Variants in CLCN4 observed in about 807,000 individuals in gnomAD.
The protein encoded by CLCN4 is H(+)/Cl(-) exchange transporter 4.
CLCN4 carries 1 observed loss-of-function variant against 41.7 expected under a neutral mutation model. That is an observed-to-expected ratio of 0.02 (90% CI 0.01 to 0.11). The LOEUF is 0.11. Among genes scored for constraint, CLCN4 ranks in the 10% least tolerant of loss-of-function variants. CLCN4 has a pLI of 1.00. For missense variants in CLCN4, 287 were observed against 661.0 expected (o/e 0.43, Z 6.20); for synonymous variants, 277 against 285.8 (o/e 0.97, Z 0.31).
intron 12 of CLCN4, among the ~76,000 whole-genome samples, chrX:10,229,851 A>G (rs1452080588): frequency 8.9e-6 from 1 of 111,950 alleles, no homozygotes; most frequent in Non-Finnish European, 1.9e-5. Flanking sequence ...GCTGCAATAA[A>G]CATACATGTG....
intron 12 of CLCN4, among the ~76,000 whole-genome samples, chrX:10,232,359 CTTAA>C (rs759425632): frequency 1.8e-5 from 2 of 112,147 alleles, no homozygotes; most frequent in African/African-American, 6.5e-5. Context: ...CTAATTTTGC[CTTAA>C]TTAAATAAAT....
At chrX:10,232,901 T>A (rs1925160292) in intron 12 of CLCN4, among the ~76,000 whole-genome samples, 1 of 111,774 alleles carries the variant, frequency 8.9e-6, no homozygotes, top group South Asian at 3.8e-4. Flanking sequence ...ATGTCAACTT[T>A]ATCCTCCCAG....
rs953773970 is a variant in CLCN4, at chrX:10,220,685, G to A, written c.2000G>A (p.Gly667Asp). The A allele has an allele frequency of 2.5e-6, 3 of 1,209,042 alleles. No individual in the cohort carries two copies. Among genetic ancestry groups the A allele is most frequent in the Non-Finnish European group, 3.4e-6 (3 of 894,576 alleles). Residue 667 changes from glycine to aspartate, a missense_variant, in exon 12 of 13, where the codon GGC (glycine) becomes GAC (aspartate). Physicochemically the swap from Gly to Asp is moderately conservative, Grantham distance 94. Coordinates refer to ENST00000380833, the MANE Select transcript of CLCN4 (RefSeq NM_001830.4). The part of the protein sequence containing the change: ...AIKNARQRQE[G>D]IVSNSIMYFT... ...GAGAACGCCAGACAGAGGCAGGAGG[G>A]CATTGTGAGCAATTCCATCATGTAC...
chrX:10,184,976 A>G (rs1923772942), intron 2 of CLCN4, 46 bp from the exon 3 acceptor site: 12 of 1,092,448 alleles, frequency 1.1e-5, no homozygotes, highest in Non-Finnish European at 1.5e-5. Context: ...TTGCATGGCC[A>G]TGGCATGTCC....
chrX:10,158,309 C>T lies in CLCN4; in HGVS notation c.-254C>T. The T allele has an allele frequency of 3.4e-6, 1 of 291,362 alleles. No homozygotes were observed. The highest frequency in any genetic ancestry group is 6.0e-6 in the Non-Finnish European group (1 of 166,276). The allele number at this position is 291,362 out of a possible 1,213,427, so 24.0% of individuals were successfully genotyped here. A position where few individuals can be genotyped will look rare whatever the true frequency, so the allele number is the denominator to read the frequency against. On this transcript the variant is annotated 5_prime_UTR_variant, in exon 2 of 13. Coordinates refer to ENST00000380833, the MANE Select transcript of CLCN4 (RefSeq NM_001830.4). Reference sequence around the variant, plus strand: ...GAAAGGCCAGGCAAGCTGCACACATCAAGCGAAACGCCTGAGGGGCGGCCA... The same window carrying T: ...GAAAGGCCAGGCAAGCTGCACACATTAAGCGAAACGCCTGAGGGGCGGCCA...
chrX:10,214,362 G>C lies in CLCN4; in HGVS notation c.1975+283G>C, dbSNP rs150589861. Among the ~76,000 whole-genome samples the C allele has an allele frequency of 2.3e-3, 262 of 113,020 alleles. 2 individuals are homozygous for C. The highest frequency in any genetic ancestry group is 8.2e-3 in the African/African-American group (255 of 31,135). On this transcript the variant is annotated intron_variant, in intron 11 of 12. Transcript: ENST00000380833. ...AAAAGGCTTTAAACCCAAGTCTTGG[G>C]TAGACATTCTTGGTTGCAAAGTGAC...
At chrX:10,227,205 C>T (rs1230100035) in intron 12 of CLCN4, among the ~76,000 whole-genome samples, 2 of 111,287 alleles carry the variant, frequency 1.8e-5, no homozygotes, top group African/African-American at 3.3e-5. Flanking sequence ...TTATTCACCA[C>T]GATCAAGTCA....
In CLCN4 at chrX:10,208,564, G is replaced by A. The variant is rs369733340; in HGVS notation, c.1363G>A (p.Val455Ile). 8.2e-5 allele frequency: 99 copies of A among 1,206,344 alleles called. 1 individual carries two copies. The East Asian group carries it at 1.6e-3, about 19-fold the overall frequency. Residue 455 changes from valine (V) to isoleucine (I), a missense_variant, in exon 9 of 13, where the codon GTT (valine) becomes ATT (isoleucine). Transcript: ENST00000380833. ...LALALIFKIV[V>I]TIFTFGMKIP... ...CCTGGCACTGATCTTCAAAATCGTC[G>A]TTACCATATTTACCTTTGGCATGAA...
At chrX:10,180,315 T>G (rs1923641786) in intron 2 of CLCN4, among the ~76,000 whole-genome samples, 1 of 111,686 alleles carries the variant, frequency 9.0e-6, no homozygotes, top group South Asian at 3.8e-4. Flanking sequence ...TCTCTCTCCT[T>G]GAACCTGGGT....
At chrX:10,191,260 G>A (rs1923953116) in intron 4 of CLCN4, among the ~76,000 whole-genome samples, 1 of 112,088 alleles carries the variant, frequency 8.9e-6, no homozygotes, top group Non-Finnish European at 1.9e-5. Context: ...GCCTATTCTG[G>A]GCATTTCATA....
At chrX:10,233,185 G>T (rs1164882197) in intron 12 of CLCN4, among the ~76,000 whole-genome samples, 1 of 112,268 alleles carries the variant, frequency 8.9e-6, no homozygotes, top group Non-Finnish European at 1.9e-5. Context: ...GGTGGGCTCT[G>T]GACCTAGGTG....
At chrX:10,224,108 G>A (rs1360769185) in intron 12 of CLCN4, among the ~76,000 whole-genome samples, 1 of 111,178 alleles carries the variant, frequency 9.0e-6, no homozygotes, top group Non-Finnish European at 1.9e-5. Context: ...ATTTATGCAC[G>A]AACCCAAGGC....
intron 2 of CLCN4, among the ~76,000 whole-genome samples, chrX:10,170,954 C>T (rs969641706): frequency 1.4e-4 from 16 of 112,353 alleles, no homozygotes; most frequent in African/African-American, 4.5e-4. Flanking sequence ...GCGCGATCTC[C>T]GCTCACTGCA....
chrX:10,219,411 C>T lies in CLCN4; in HGVS notation c.1976-1250C>T, dbSNP rs765071112. 2.7e-5 allele frequency among the ~76,000 whole-genome samples: 3 copies of T among 112,263 alleles called. No individual in the cohort carries two copies. In the South Asian group the frequency reaches 1.1e-3, roughly 42 times the overall value. ...ATCATCTTGGTTTAGGAGAGAAGTA[C>T]GTAGTATATATCGAACAGTCTACAT... On this transcript the variant is annotated intron_variant, in intron 11 of 12. Coordinates refer to ENST00000380833, the MANE Select transcript of CLCN4 (RefSeq NM_001830.4).
chrX:10,237,540 A>C lies in CLCN4; in HGVS notation c.*3956A>C, dbSNP rs1336064599. On this transcript the variant is annotated 3_prime_UTR_variant, in exon 13 of 13. Transcript: ENST00000380833. ...TTGGTGTTGGAACGACCACATAGCAACGTGTTGGTTTTTTTTTATTGTAAC... is the reference window on the plus strand; with the variant it reads ...TTGGTGTTGGAACGACCACATAGCACCGTGTTGGTTTTTTTTTATTGTAAC... 1.0e-5 allele frequency: 1 copy of C among 96,351 alleles called. No homozygotes were observed. The highest frequency in any genetic ancestry group is 3.4e-5 in the African/African-American group (1 of 29,179). 7.9% of individuals were successfully genotyped at this position (96,351 alleles called of 1,213,427 possible).
intron 12 of CLCN4, among the ~76,000 whole-genome samples, chrX:10,221,418 T>C (rs1010396052): frequency 9.0e-6 from 1 of 111,429 alleles, no homozygotes; most frequent in African/African-American, 3.3e-5. Flanking sequence ...TCTCAGCACT[T>C]CGGGAGGCTG....
intron 6 of CLCN4, among the ~76,000 whole-genome samples, chrX:10,201,467 C>T (rs1162581440): frequency 9.0e-6 from 1 of 111,463 alleles, no homozygotes; most frequent in Admixed American, 9.5e-5. Context: ...TTTCCCAGTT[C>T]TTGGAGGAGA....
chrX:10,213,214 G>A (rs1924613487), intron 10 of CLCN4, among the ~76,000 whole-genome samples: 1 of 111,933 alleles, frequency 8.9e-6, no homozygotes, highest in Non-Finnish European at 1.9e-5. Flanking sequence ...CGTAAGTCAG[G>A]GACTGTCTGT....
chrX:10,182,903 A>G (rs1295844196), intron 2 of CLCN4, among the ~76,000 whole-genome samples: 1 of 112,332 alleles, frequency 8.9e-6, no homozygotes, highest in Non-Finnish European at 1.9e-5. Context: ...TGTTTCAAGC[A>G]TTATTGCCTG....
Sources: gnomAD v4.1 joint callset for allele counts (sites outside exome capture counted in the v4.1 genomes callset) on GRCh38, gnomAD v4.1.1 for gene constraint, MANE v1.5 for transcripts, NCBI Gene and HGNC (gene_info 2026-07-23, HGNC 2026-07-21) for gene names.